Variants in AKAP19 observed in about 807,000 individuals in gnomAD.
AKAP19 encodes the protein A-kinase anchoring protein 19.
At chr2:189,933,660 A>G in the AKAP19 span, among the ~76,000 whole-genome samples, 2 of 152,182 alleles carry the variant, frequency 1.3e-5, no homozygotes, top group Non-Finnish European at 2.9e-5. Context: ...TTAACTACAT[A>G]CCATGAATCT....
the AKAP19 span, among the ~76,000 whole-genome samples, chr2:189,982,468 T>C: frequency 6.6e-6 from 1 of 152,166 alleles, no homozygotes; most frequent in Non-Finnish European, 1.5e-5. Flanking sequence ...TTGCAATCCA[T>C]ATTTTGAATT....
the AKAP19 span, chr2:190,199,645 A>T: frequency 1.7e-6 from 2 of 1,195,662 alleles, no homozygotes; most frequent in South Asian, 2.0e-5. Context: ...ACTCAATCAT[A>T]CACTATTTTG....
the AKAP19 span, among the ~76,000 whole-genome samples, chr2:190,101,391 G>T: frequency 6.6e-6 from 1 of 152,254 alleles, no homozygotes; most frequent in South Asian, 2.1e-4. Context: ...GCCATTGCTG[G>T]GTACCCTATC....
At chr2:189,947,802 G>A in the AKAP19 span, among the ~76,000 whole-genome samples, 1 of 152,056 alleles carries the variant, frequency 6.6e-6, no homozygotes, top group Admixed American at 6.6e-5. Context: ...GACTTTTAGT[G>A]ATTTCCGATT....
At chr2:189,917,430 G>T in the AKAP19 span, 4 of 773,412 alleles carry the variant, frequency 5.2e-6, no homozygotes, top group East Asian at 2.6e-5. Context: ...AACCATGTCT[G>T]TTTTTTTTCT....
At chr2:190,173,860 C>T in the AKAP19 span, among the ~76,000 whole-genome samples, 1 of 152,156 alleles carries the variant, frequency 6.6e-6, no homozygotes, top group East Asian at 1.9e-4. Context: ...TGTTCAGCTT[C>T]CCTGTTCTTT....
chr2:190,106,271 G>A, the AKAP19 span, among the ~76,000 whole-genome samples: 1 of 152,176 alleles, frequency 6.6e-6, no homozygotes, highest in Non-Finnish European at 1.5e-5. Flanking sequence ...TGAGACTCAA[G>A]GATATCTGAA....
At chr2:190,096,720 A>G in the AKAP19 span, among the ~76,000 whole-genome samples, 61 of 152,242 alleles carry the variant, frequency 4.0e-4, 1 homozygote, top group East Asian at 0.01. Context: ...TAAACAATGT[A>G]TTTTCTCACA....
the AKAP19 span, among the ~76,000 whole-genome samples, chr2:190,172,934 G>A: frequency 3.9e-5 from 6 of 152,002 alleles, no homozygotes; most frequent in East Asian, 5.8e-4. Flanking sequence ...CCAAAATGGC[G>A]AAACCCCGTC....
chr2:190,024,803 A>G, the AKAP19 span, among the ~76,000 whole-genome samples: 2 of 152,140 alleles, frequency 1.3e-5, no homozygotes, highest in Admixed American at 6.5e-5. Context: ...AACCTATTCT[A>G]TTGATGTGCC....
the AKAP19 span, among the ~76,000 whole-genome samples, chr2:190,023,221 A>T: frequency 6.6e-6 from 1 of 152,184 alleles, no homozygotes; most frequent in Admixed American, 6.6e-5. Flanking sequence ...TTATAAACAC[A>T]TTAAACACAA....
chr2:190,132,416 A>G, the AKAP19 span, among the ~76,000 whole-genome samples: 1 of 152,250 alleles, frequency 6.6e-6, no homozygotes, highest in African/African-American at 2.4e-5. Context: ...ACAGTAATCA[A>G]AACAGCATGG....
At chr2:190,162,365 A>G in the AKAP19 span, among the ~76,000 whole-genome samples, 1 of 152,156 alleles carries the variant, frequency 6.6e-6, no homozygotes, top group Admixed American at 6.5e-5. Flanking sequence ...TTGGGGAAAA[A>G]CAGAGTTAAA....
the AKAP19 span, among the ~76,000 whole-genome samples, chr2:189,960,683 AT>A: frequency 5.1e-4 from 76 of 150,104 alleles, 1 homozygote; most frequent in South Asian, 0.013. Flanking sequence ...GACACACTGT[AT>A]TTTTTTTTTA....
chr2:190,187,846 C>T, the AKAP19 span, among the ~76,000 whole-genome samples: 1 of 152,198 alleles, frequency 6.6e-6, no homozygotes, highest in Admixed American at 6.5e-5. Flanking sequence ...GACTGAGACC[C>T]TGGCTCTAGG....
At chr2:190,093,118 T>C in the AKAP19 span, among the ~76,000 whole-genome samples, 5 of 152,098 alleles carry the variant, frequency 3.3e-5, no homozygotes, top group Admixed American at 6.5e-5. Context: ...TAGATGAATG[T>C]TTACAGTTTA....
At chr2:190,115,469 G>C in the AKAP19 span, among the ~76,000 whole-genome samples, 2 of 140,948 alleles carry the variant, frequency 1.4e-5, no homozygotes, top group Admixed American at 1.4e-4. Context: ...ACAGGCGCCC[G>C]CCACTACGCC....
the AKAP19 span, among the ~76,000 whole-genome samples, chr2:190,058,644 T>C: frequency 6.6e-5 from 10 of 151,918 alleles, no homozygotes; most frequent in African/African-American, 1.9e-4. Flanking sequence ...GAAAATGTGG[T>C]ATATATACAC....
At chr2:190,027,588 C>G in the AKAP19 span, among the ~76,000 whole-genome samples, 2 of 152,090 alleles carry the variant, frequency 1.3e-5, no homozygotes, top group African/African-American at 2.4e-5. Flanking sequence ...CTGAGTAGTA[C>G]ATAAAAGGTG....
Sources: allele counts gnomAD v4.1 joint callset (sites outside exome capture counted in the v4.1 genomes callset), GRCh38; gene constraint gnomAD v4.1.1; transcripts MANE v1.5; gene names NCBI Gene and HGNC (gene_info 2026-07-23, HGNC 2026-07-21).